The following SCAPER variants were observed in gnomAD, a reference collection of about 807,000 sequenced individuals.
SCAPER encodes the protein S phase cyclin A-associated protein in the endoplasmic reticulum.
Under a neutral mutation model 182.2 loss-of-function variants are expected in SCAPER, and 98 were observed. That is an observed-to-expected ratio of 0.54 (90% confidence interval 0.46 to 0.64). SCAPER has a LOEUF of 0.64. Among genes scored for constraint, SCAPER ranks in the 30% least tolerant of loss-of-function variants. The pLI is 0.00. For missense variants in SCAPER, 1,432 were observed against 1,690.0 expected, an observed-to-expected ratio of 0.85 and a Z score of 2.68; for synonymous variants, 605 against 564.6, an observed-to-expected ratio of 1.07 and a Z score of -1.01.
chr15:76,738,876 T>C (rs373396993), intron 15 of SCAPER, among the ~76,000 whole-genome samples: 4 of 152,180 alleles, frequency 2.6e-5, no homozygotes, highest in African/African-American at 7.2e-5. Flanking sequence ...GCACGTGTTG[T>C]TGGAAAAAAT....
At chr15:76,477,766 TA>T (rs2050774771) in intron 24 of SCAPER, among the ~76,000 whole-genome samples, 1 of 152,170 alleles carries the variant, frequency 6.6e-6, no homozygotes, top group Non-Finnish European at 1.5e-5. Context: ...TTCCCGTGTT[TA>T]TTTGCCATGT....
chr15:76,506,425 AT>A (rs1332377789), intron 23 of SCAPER, among the ~76,000 whole-genome samples: 2 of 152,260 alleles, frequency 1.3e-5, no homozygotes, highest in African/African-American at 4.8e-5. Context: ...AGAAAAAAAA[AT>A]GAGTGGCTAG....
Position 76,354,139 on chromosome 15 carries a change from A to G in SCAPER, c.3857T>C (p.Val1286Ala). 6.3e-7 allele frequency: 1 copy of G among 1,598,162 alleles called. No individual in the cohort carries two copies. The highest frequency in any genetic ancestry group is 1.1e-5 in the South Asian group (1 of 88,112). ...YFTVNHPDNQVIVQSGRHPTV... is the reference protein window; with the variant it reads ...YFTVNHPDNQAIVQSGRHPTV... ...GGGGTGGCGGCCGGACTGCACGATC[A>G]CCTGAAATGGAAGAGCAGCCCAGGT... Residue 1286 changes from valine to alanine, a missense_variant and splice_region_variant, in exon 30 of 32, where the codon GTG (valine) becomes GCG (alanine). Around this residue, in one of 5 missense-constraint regions of SCAPER, gnomAD observed 718 missense variants for 799.7 expected, o/e 0.90. Transcript: ENST00000563290. This position sits in a 1 kb window ranked among gnomAD's most constrained non-coding sequence, Gnocchi z 4.4.
rs780371253 is a variant in SCAPER at position 76,767,035 on chromosome 15, C to T, written c.1302G>A (p.Lys434=). The stretch of plus-strand genomic sequence containing the variant: ...CACTAGCAATGGCTTCTTCATTGGC[C>T]TTTTCTAGACGATCTGCTAGCTCTT... ...KKEELADRLE[K]ANEEAIASAI... The change falls in exon 11 of 32, where the codon AAG becomes AAA. Residue 434 remains lysine, a synonymous_variant. Coordinates refer to ENST00000563290, the MANE Select transcript of SCAPER (RefSeq NM_020843.4). The T allele has an allele frequency of 6.2e-7, 1 of 1,603,944 alleles. No individual in the cohort carries two copies. Among genetic ancestry groups the T allele is most frequent in the East Asian group, 2.2e-5 (1 of 44,654 alleles).
At chr15:76,508,171 T>C (rs1351903547) in intron 23 of SCAPER, among the ~76,000 whole-genome samples, 3 of 152,338 alleles carry the variant, frequency 2.0e-5, no homozygotes, top group Non-Finnish European at 2.9e-5. Context: ...TACCACACTT[T>C]ACCCAACTGT....
chr15:76,572,919 T>TCA (rs58395846), intron 23 of SCAPER, among the ~76,000 whole-genome samples: 29 of 135,170 alleles, frequency 2.1e-4, no homozygotes, highest in African/African-American at 7.0e-4. Flanking sequence ...TCTCTCTCTC[T>TCA]CACACACACA....
chr15:76,880,754 A>T (rs991948902), intron 2 of SCAPER, among the ~76,000 whole-genome samples: 1 of 152,064 alleles, frequency 6.6e-6, no homozygotes, highest in Non-Finnish European at 1.5e-5. Flanking sequence ...ACTAAAATAT[A>T]TTACCTTTAG....
rs71143333 is a variant in SCAPER, at chr15:76,488,714, C to CTTTTT, written c.2954+16140_2954+16144dup. Among the ~76,000 whole-genome samples, 82 of 93,100 alleles carry CTTTTT rather than the reference C, an allele frequency of 8.8e-4. 22 individuals carry two copies. Among genetic ancestry groups the CTTTTT allele is most frequent in the African/African-American group, 2.5e-3 (53 of 20,930 alleles). The allele number at this position is 93,100 out of a possible 152,430, so 61.1% of individuals were successfully genotyped here. The stretch of plus-strand genomic sequence containing the variant: ...TTGCATCCTGATAACAGTACACTGC[C>CTTTTT]TTTTTTTTTTTTTTTTTTTTTTTTT... On this transcript the variant is annotated intron_variant, in intron 24 of 31. Coordinates refer to ENST00000563290, the MANE Select transcript of SCAPER (RefSeq NM_020843.4).
At chr15:76,426,615 A>G (rs1413046076) in intron 26 of SCAPER, among the ~76,000 whole-genome samples, 5 of 152,166 alleles carry the variant, frequency 3.3e-5, no homozygotes, top group Non-Finnish European at 7.3e-5. Context: ...TAGAATAATT[A>G]ATATTGTTAA....
At chr15:76,505,292 C>G (rs2143838697) in intron 23 of SCAPER, among the ~76,000 whole-genome samples, 1 of 152,162 alleles carries the variant, frequency 6.6e-6, no homozygotes, top group South Asian at 2.1e-4. Flanking sequence ...GGAAACAATC[C>G]ACCAAGCAAA....
intron 20 of SCAPER, 135 bp from the exon 21 acceptor site, chr15:76,665,924 A>T: frequency 1.3e-6 from 1 of 746,240 alleles, no homozygotes; most frequent in Non-Finnish European, 1.9e-6. Context: ...GGTTTCTACA[A>T]TTGTTATGGA....
In SCAPER at chr15:76,793,410, T is replaced by TA. The variant is rs543179959; in HGVS notation, c.772+1869dup. ...CTGGTCACTGGAAACAACAAGGCAG[T>TA]ATTAGAACACTGGGACTTTCAGCCC... On this transcript the variant is annotated intron_variant, in intron 8 of 31. Coordinates refer to ENST00000563290, the MANE Select transcript of SCAPER (RefSeq NM_020843.4). The TA allele has an allele frequency of 2.5e-4, 143 of 574,082 alleles. 1 individual carries two copies. The highest frequency in any genetic ancestry group is 2.1e-3 in the African/African-American group (109 of 51,724). The allele number at this position is 574,082 out of a possible 1,614,324, so 35.6% of individuals were successfully genotyped here. A position where few individuals can be genotyped will look rare whatever the true frequency, so the allele number is the denominator to read the frequency against.
chr15:76,856,813 G>A (rs1330750641), intron 4 of SCAPER, among the ~76,000 whole-genome samples: 1 of 151,988 alleles, frequency 6.6e-6, no homozygotes, highest in Non-Finnish European at 1.5e-5. Flanking sequence ...GTCATTCTGT[G>A]AGCTCTGATT....
At chr15:76,401,715 G>T (rs1567064381) in intron 27 of SCAPER, among the ~76,000 whole-genome samples, 1 of 152,132 alleles carries the variant, frequency 6.6e-6, no homozygotes, top group Non-Finnish European at 1.5e-5. Context: ...GCTAACTCTT[G>T]TATGTCCGTA....
intron 24 of SCAPER, among the ~76,000 whole-genome samples, chr15:76,474,540 C>A (rs2050465634): frequency 6.6e-6 from 1 of 152,148 alleles, no homozygotes; most frequent in Non-Finnish European, 1.5e-5. Context: ...AAGTTAGTTA[C>A]TAATTTCACG....
At chr15:76,696,701 G>T (rs1457407330) in intron 20 of SCAPER, among the ~76,000 whole-genome samples, 1 of 152,072 alleles carries the variant, frequency 6.6e-6, no homozygotes. Flanking sequence ...GGACCACAAA[G>T]ATATCAAGTA....
chr15:76,702,782 T>C, intron 19 of SCAPER, 68 bp downstream of exon 19: 2 of 1,534,892 alleles, frequency 1.3e-6, no homozygotes, highest in Admixed American at 4.5e-5. Context: ...ACTGCAAGAA[T>C]ATATTTCCAT....
chr15:76,698,903 C>T (rs2058785502), intron 20 of SCAPER, among the ~76,000 whole-genome samples: 1 of 152,166 alleles, frequency 6.6e-6, no homozygotes, highest in Non-Finnish European at 1.5e-5. Context: ...GAGCATGGAA[C>T]ATTTTTGCAT....
rs561831300 is a variant in SCAPER, at chr15:76,434,286, T to G, written c.3103A>C (p.Thr1035Pro). ...LTVYVPDENN[T>P]ILGRNTNKQV... ...TTATTTGTATTTCTCCCCAAAATAGTATTATTTTCATCTGGAACATAAACC... is the reference window on the plus strand; with the variant it reads ...TTATTTGTATTTCTCCCCAAAATAGGATTATTTTCATCTGGAACATAAACC... The change falls in exon 26 of 32, where the codon ACT becomes CCT. Residue 1035 changes from threonine to proline, a missense_variant. Thr to Pro is a conservative substitution (Grantham distance 38). Transcript: ENST00000563290. 6.2e-7 allele frequency: 1 copy of G among 1,610,986 alleles called. No individual in the cohort carries two copies. The highest frequency in any genetic ancestry group is 1.3e-5 in the African/African-American group (1 of 74,860).
Sources: gnomAD v4.1 joint callset for allele counts (sites outside exome capture counted in the v4.1 genomes callset) on GRCh38, gnomAD v4.1.1 for gene constraint, gnomAD v4.1.1 regional missense constraint, Gnocchi (gnomAD v3.1) non-coding constraint, MANE v1.5 for transcripts, NCBI Gene and HGNC (gene_info 2026-07-23, HGNC 2026-07-21) for gene names.